ZZEF1: variants seen among roughly 807,000 people sequenced by gnomAD.
The protein encoded by ZZEF1 is zinc finger ZZ-type and EF-hand domain-containing protein 1.
Under a neutral mutation model 342.8 loss-of-function variants are expected in ZZEF1, and 157 were observed. The observed-to-expected ratio is 0.46, with a 90% CI of 0.40 to 0.52. The LOEUF (loss-of-function observed/expected upper bound fraction) is 0.52, where lower values mean the gene tolerates loss of function less well. ZZEF1 is among the 20% of genes least tolerant of loss of function. The probability of loss-of-function intolerance (pLI) is 0.00; values close to 1 mark genes in which losing one functional copy is unlikely to be tolerated. For synonymous variants in ZZEF1, 1,505 were observed against 1,429.1 expected, an observed-to-expected ratio of 1.05 and a Z score of -1.20; for missense variants, 3,480 against 3,725.6, an observed-to-expected ratio of 0.93 and a Z score of 1.72.
At chr17:4,082,133 G>A (rs12452393) in intron 17 of ZZEF1, among the ~76,000 whole-genome samples, 26,373 of 152,076 alleles carry the variant, frequency 0.17, 2,345 homozygotes, top group East Asian at 0.18. Context: ...AACGTGACAC[G>A]AATACAAGAC....
chr17:4,107,360 G>A (rs1022789180), intron 6 of ZZEF1, among the ~76,000 whole-genome samples: 6 of 152,120 alleles, frequency 3.9e-5, no homozygotes, highest in Non-Finnish European at 7.4e-5. Flanking sequence ...TCCACAAGAT[G>A]GGACTGTGCA....
chr17:4,085,140 T>C lies in ZZEF1; in HGVS notation c.2646+530A>G, dbSNP rs114852239. ...ACAAACAAACAAAAAAACTTGGTGGTATTAGTTTTACAGATATATACTGAA... is the reference window on the plus strand; with the variant it reads ...ACAAACAAACAAAAAAACTTGGTGGCATTAGTTTTACAGATATATACTGAA... On this transcript the variant is annotated intron_variant, in intron 16 of 54. Coordinates refer to ENST00000381638, the MANE Select transcript of ZZEF1 (RefSeq NM_015113.4). Among the ~76,000 whole-genome samples, 1,267 of 152,246 alleles carry C rather than the reference T, an allele frequency of 8.3e-3. 22 individuals carry two copies. Among genetic ancestry groups the C allele is most frequent in the African/African-American group, 0.029 (1,209 of 41,556 alleles).
chr17:4,108,016 C>CA (rs1677927160), intron 6 of ZZEF1, among the ~76,000 whole-genome samples: 1 of 152,188 alleles, frequency 6.6e-6, no homozygotes, highest in African/African-American at 2.4e-5. Flanking sequence ...ACATAAGCAT[C>CA]AAAACTGTGG....
intron 29 of ZZEF1, among the ~76,000 whole-genome samples, chr17:4,064,022 C>T (rs1196962961): frequency 6.6e-6 from 1 of 151,782 alleles, no homozygotes; most frequent in Non-Finnish European, 1.5e-5. Context: ...GCCACCGCAC[C>T]CAGCCTCAGC....
At chr17:4,043,273 C>T (rs1001384917) in intron 38 of ZZEF1, among the ~76,000 whole-genome samples, 16 of 152,170 alleles carry the variant, frequency 1.1e-4, no homozygotes, top group Non-Finnish European at 2.9e-5. Context: ...ATGGCAGGTA[C>T]TTAATACTTG....
chr17:4,027,678 C>T (rs958113057), intron 42 of ZZEF1, among the ~76,000 whole-genome samples: 1 of 149,914 alleles, frequency 6.7e-6, no homozygotes, highest in Admixed American at 6.7e-5. Context: ...TAGCTCACTG[C>T]AGCCTTGATC....
intron 46 of ZZEF1, among the ~76,000 whole-genome samples, chr17:4,018,541 G>C (rs1381232688): frequency 6.6e-6 from 1 of 152,136 alleles, no homozygotes; most frequent in East Asian, 1.9e-4. Context: ...GGAGGTTTAC[G>C]AACAGAAAAA....
intron 11 of ZZEF1, among the ~76,000 whole-genome samples, chr17:4,092,200 G>A (rs946742804): frequency 3.3e-5 from 5 of 151,582 alleles, no homozygotes; most frequent in East Asian, 1.9e-4. Flanking sequence ...CCAAGCTGGC[G>A]ACACATTAGT....
At chr17:4,090,947 C>T (rs1597877739) in intron 11 of ZZEF1, 117 bp from the exon 12 acceptor site, 4 of 734,780 alleles carry the variant, frequency 5.4e-6, no homozygotes, top group East Asian at 2.7e-5. Context: ...AGTGAACAAT[C>T]GAGAGCTGAC....
intron 19 of ZZEF1, 28 bp from the exon 20 acceptor site, chr17:4,077,017 T>C (rs1021610159): frequency 1.1e-5 from 17 of 1,570,088 alleles, no homozygotes; most frequent in Non-Finnish European, 1.5e-5. Flanking sequence ...ATAATTAATA[T>C]ATTATATAGT....
intron 8 of ZZEF1, 67 bp downstream of exon 8, chr17:4,104,566 C>T (rs534584737): frequency 1.3e-4 from 196 of 1,560,316 alleles, no homozygotes; most frequent in East Asian, 1.3e-4. Flanking sequence ...GGTCATATGG[C>T]GAAGAATGGT....
Position 4,112,596 on chromosome 17 carries a change from C to T in ZZEF1, c.1066+13G>A. ...CTTGCTTTTCCCTATCCCCTCAGTT[C>T]TGTTGGACTTACAGAGCTGACTGAC... On this transcript the variant is annotated intron_variant, in intron 5 of 54. Transcript: ENST00000381638. 6.2e-7 allele frequency: 1 copy of T among 1,613,932 alleles called. No homozygotes were observed. The highest frequency in any genetic ancestry group is 8.5e-7 in the Non-Finnish European group (1 of 1,179,918).
In ZZEF1 at chr17:4,013,524, G is replaced by T. The variant is rs2056021286; in HGVS notation, c.8504C>A (p.Ala2835Asp). The stretch of plus-strand genomic sequence containing the variant: ...TCGTTGATGGCCAGTCTGGCGACAG[G>T]CCACGCCCACCAGCCATTCCCAAAT... ...AKIWEWLVGV[A>D]CRQTGHQRLK... The change falls in exon 52 of 55, where the codon GCC becomes GAC. Residue 2835 changes from alanine (A) to aspartate (D), a missense_variant. Ala to Asp is a moderately radical substitution (Grantham distance 126). This residue lies in a region of ZZEF1 where 1,269 missense variants were observed against 1,342.4 expected (regional missense o/e 0.95). Transcript: ENST00000381638. The T allele has an allele frequency of 6.2e-7, 1 of 1,614,014 alleles. No homozygotes were observed. Among genetic ancestry groups the T allele is most frequent in the South Asian group, 1.1e-5 (1 of 91,070 alleles).
chr17:4,033,889 C>T lies in ZZEF1; in HGVS notation c.6584+126G>A, dbSNP rs2056603487. ...GCTCATGAACCTAATTCTATTTCCA[C>T]AAAACTCTCAGACAACACAACTGTA... On this transcript the variant is annotated intron_variant, in intron 40 of 54. Transcript: ENST00000381638. The T allele has an allele frequency of 1.2e-5, 16 of 1,314,386 alleles. No homozygotes were observed. The Admixed American group carries it at 3.2e-4, about 26-fold the overall frequency. 81.4% of individuals were successfully genotyped at this position (1,314,386 alleles called of 1,614,324 possible). A position where few individuals can be genotyped will look rare whatever the true frequency, so the allele number is the denominator to read the frequency against.
At chr17:4,106,764 G>A (rs2058219782) in intron 6 of ZZEF1, among the ~76,000 whole-genome samples, 1 of 152,194 alleles carries the variant, frequency 6.6e-6, no homozygotes, top group African/African-American at 2.4e-5. Flanking sequence ...CTGTGTGCCA[G>A]CAACTGTGCT....
At chr17:4,025,227 A>G in intron 42 of ZZEF1, 109 bp from the exon 43 acceptor site, 1 of 1,069,368 alleles carries the variant, frequency 9.4e-7, no homozygotes, top group Non-Finnish European at 1.4e-6. Context: ...GACTGCAGAA[A>G]CATAAATCTC....
chr17:4,034,423 A>G, intron 39 of ZZEF1, 131 bp from the exon 40 acceptor site: 1 of 847,242 alleles, frequency 1.2e-6, no homozygotes, highest in Non-Finnish European at 1.8e-6. Flanking sequence ...AGCTTTCATA[A>G]ATGCCATATG....
Position 4,032,815 on chromosome 17 carries a change from CAG to C in ZZEF1, c.6759+11_6759+12del. The C allele has an allele frequency of 6.2e-7, 1 of 1,612,968 alleles. No individual in the cohort carries two copies. The highest frequency in any genetic ancestry group is 2.2e-5 in the East Asian group (1 of 44,850). On this transcript the variant is annotated intron_variant, in intron 41 of 54. Coordinates refer to ENST00000381638, the MANE Select transcript of ZZEF1 (RefSeq NM_015113.4). ...AGGGGTGACCAGGCCCTCAGGCCTT[CAG>C]AGTGTGGTACCTGGGGGAAGCCAAC...
intron 39 of ZZEF1, among the ~76,000 whole-genome samples, chr17:4,037,869 A>ACTGTG (rs2056709838): frequency 6.6e-6 from 1 of 152,204 alleles, no homozygotes; most frequent in African/African-American, 2.4e-5. Context: ...GATTCAAGGC[A>ACTGTG]CTGTGCCTGG....
Sources: gnomAD v4.1 joint callset for allele counts (sites outside exome capture counted in the v4.1 genomes callset) on GRCh38, gnomAD v4.1.1 for gene constraint, gnomAD v4.1.1 regional missense constraint, MANE v1.5 for transcripts, NCBI Gene and HGNC (gene_info 2026-07-23, HGNC 2026-07-21) for gene names.